The following ETV6 variants were observed in gnomAD, a reference collection of about 807,000 sequenced individuals.
ETV6 encodes ETS variant transcription factor 6.
Under a neutral mutation model 51.1 loss-of-function variants are expected in ETV6, and 16 were observed. That is an observed-to-expected ratio of 0.31 (90% CI 0.21 to 0.48). The LOEUF (loss-of-function observed/expected upper bound fraction) is 0.48. Among genes scored for constraint, ETV6 ranks in the 20% least tolerant of loss-of-function variants. The pLI, the probability that ETV6 is intolerant of heterozygous loss-of-function variation, is 0.99. For missense variants in ETV6, 458 were observed against 594.8 expected, an observed-to-expected ratio of 0.77 and a Z score of 2.39; for synonymous variants, 240 against 224.1, an observed-to-expected ratio of 1.07 and a Z score of -0.64.
intron 7 of ETV6, among the ~76,000 whole-genome samples, chr12:11,886,829 T>C (rs1284003117): frequency 6.6e-6 from 1 of 152,154 alleles, no homozygotes; most frequent in Non-Finnish European, 1.5e-5. Context: ...GTGCTGGTGG[T>C]AGTCATTAGC....
chr12:11,677,774 G>A (rs1453846789), intron 1 of ETV6, among the ~76,000 whole-genome samples: 4 of 152,172 alleles, frequency 2.6e-5, no homozygotes, highest in African/African-American at 4.8e-5. Flanking sequence ...TTGCTTAACC[G>A]TAAAATGAGG....
chr12:11,660,616 A>AAC (rs1555110994), intron 1 of ETV6, among the ~76,000 whole-genome samples: 1 of 149,942 alleles, frequency 6.7e-6, no homozygotes, highest in Non-Finnish European at 1.5e-5. Context: ...AAAAAAAAAA[A>AAC]GGGAGATGGG....
chr12:11,889,762 C>T (rs1947258698), intron 7 of ETV6, among the ~76,000 whole-genome samples: 1 of 152,150 alleles, frequency 6.6e-6, no homozygotes, highest in Admixed American at 6.5e-5. Flanking sequence ...ACCCGATGAG[C>T]AGAGCAAAGG....
chr12:11,884,350 G>A, intron 5 of ETV6, 95 bp from the exon 6 acceptor site: 2 of 1,377,134 alleles, frequency 1.5e-6, no homozygotes, highest in Non-Finnish European at 2.0e-6. Context: ...CCCAAGCTAG[G>A]CAGAAGCAGT....
chr12:11,727,101 G>T (rs1210109513), intron 1 of ETV6, among the ~76,000 whole-genome samples: 1 of 152,220 alleles, frequency 6.6e-6, no homozygotes, highest in Non-Finnish European at 1.5e-5. Flanking sequence ...TGTCTGTATT[G>T]TGGGGGTAGG....
chr12:11,705,044 A>G (rs1865048558), intron 1 of ETV6, among the ~76,000 whole-genome samples: 1 of 152,198 alleles, frequency 6.6e-6, no homozygotes, highest in Admixed American at 6.5e-5. Context: ...GCCGGTGGAA[A>G]TGGGGAGATG....
chr12:11,730,454 C>T (rs571638348), intron 1 of ETV6, among the ~76,000 whole-genome samples: 2 of 152,222 alleles, frequency 1.3e-5, no homozygotes, highest in South Asian at 4.1e-4. Context: ...CACAAAGGTG[C>T]AAGTCACCAA....
intron 2 of ETV6, among the ~76,000 whole-genome samples, chr12:11,761,068 G>A (rs117142224): frequency 0.012 from 1,884 of 152,224 alleles, 29 homozygotes; most frequent in Non-Finnish European, 0.021. Flanking sequence ...AGAAAGTGGA[G>A]GAGCCCCAAT....
In ETV6 at chr12:11,859,118, GGTTTT is replaced by G. The variant is rs1425902886; in HGVS notation, c.463+5558_463+5562del. Reference sequence around the variant, plus strand: ...TAAAGAAGATGAGGTATATGAATCTGGTTTTTTTTTTTTTTTTTTTTTTTTTTTTT... The same window carrying G: ...TAAAGAAGATGAGGTATATGAATCTGTTTTTTTTTTTTTTTTTTTTTTTTT... On this transcript the variant is annotated intron_variant, in intron 4 of 7. Coordinates refer to ENST00000396373, the MANE Select transcript of ETV6 (RefSeq NM_001987.5). Among the ~76,000 whole-genome samples, 25 of 41,794 alleles carry G rather than the reference GGTTTT, an allele frequency of 6.0e-4. 10 individuals are homozygous for G. The highest frequency in any genetic ancestry group is 1.3e-3 in the South Asian group (1 of 764). 27.4% of individuals were successfully genotyped at this position (41,794 alleles called of 152,430 possible).
chr12:11,674,266 A>T (rs545184277), intron 1 of ETV6, among the ~76,000 whole-genome samples: 1 of 152,250 alleles, frequency 6.6e-6, no homozygotes, highest in African/African-American at 2.4e-5. Flanking sequence ...ATGCCAGAGG[A>T]TGTTCAAATG....
intron 2 of ETV6, among the ~76,000 whole-genome samples, chr12:11,815,804 G>C (rs566947184): frequency 3.4e-4 from 39 of 114,480 alleles, no homozygotes; most frequent in African/African-American, 1.2e-3. Context: ...TTGACGGGCA[G>C]AGGGACAGTA....
At chr12:11,768,575 G>C (rs1015643494) in intron 2 of ETV6, among the ~76,000 whole-genome samples, 1 of 152,112 alleles carries the variant, frequency 6.6e-6, no homozygotes, top group Non-Finnish European at 1.5e-5. Context: ...TTGACCTTAT[G>C]CTTAGAACCG....
intron 2 of ETV6, among the ~76,000 whole-genome samples, chr12:11,783,531 G>C (rs1945440094): frequency 1.3e-5 from 2 of 152,180 alleles, no homozygotes. Flanking sequence ...CGGGTGAAGG[G>C]AGGTTTTTGC....
intron 1 of ETV6, among the ~76,000 whole-genome samples, chr12:11,669,356 G>A (rs868539622): frequency 8.5e-6 from 1 of 116,962 alleles, no homozygotes; most frequent in African/African-American, 4.8e-5. Context: ...CCGTCCTCCT[G>A]TCCTCCCTTC....
chr12:11,650,481 T>TAAAACAAACAAAAAAA (rs1863875011), intron 1 of ETV6, among the ~76,000 whole-genome samples: 3 of 43,314 alleles, frequency 6.9e-5, no homozygotes, highest in African/African-American at 2.5e-4. Context: ...TTAGTGCGCT[T>TAAAACAAACAAAAAAA]AAAAAAAAAA....
chr12:11,825,074 A>G (rs1182699215), intron 2 of ETV6, among the ~76,000 whole-genome samples: 2 of 152,236 alleles, frequency 1.3e-5, no homozygotes, highest in Non-Finnish European at 2.9e-5. Context: ...TGCCAAAACA[A>G]CATGCCTTTA....
chr12:11,810,784 T>C (rs1259073239), intron 2 of ETV6, among the ~76,000 whole-genome samples: 3 of 152,180 alleles, frequency 2.0e-5, no homozygotes, highest in African/African-American at 7.2e-5. Flanking sequence ...GCTGCTTTCA[T>C]AGATTTATGG....
rs1388791033 is a variant in ETV6, at chr12:11,892,036, A to C, written c.*990A>C. ...GATTAGCTTGGGAGCGCAGCGCTGC[A>C]AAGTGGAAAATATGAAAAGACCACA... is the stretch of plus-strand genomic sequence containing the variant. On this transcript the variant is annotated 3_prime_UTR_variant, in exon 8 of 8. Coordinates refer to ENST00000396373, the MANE Select transcript of ETV6 (RefSeq NM_001987.5). The C allele has an allele frequency of 1.3e-5, 3 of 233,732 alleles. No individual in the cohort carries two copies. The highest frequency in any genetic ancestry group is 1.8e-4 in the South Asian group (1 of 5,590). 14.5% of individuals were successfully genotyped at this position (233,732 alleles called of 1,614,324 possible). A position where few individuals can be genotyped will look rare whatever the true frequency, so the allele number is the denominator to read the frequency against.
At chr12:11,760,876 A>ATGTGTGTGTG (rs1285515591) in intron 2 of ETV6, among the ~76,000 whole-genome samples, 5 of 71,918 alleles carry the variant, frequency 7.0e-5, no homozygotes, top group Non-Finnish European at 1.0e-4. Context: ...ATTATTATAT[A>ATGTGTGTGTG]TATGTGTGTG....
Sources: gnomAD v4.1 joint callset for allele counts (sites outside exome capture counted in the v4.1 genomes callset) on GRCh38, gnomAD v4.1.1 for gene constraint, MANE v1.5 for transcripts, NCBI Gene and HGNC (gene_info 2026-07-23, HGNC 2026-07-21) for gene names.